Variants in SLC22A23 observed in about 807,000 individuals in gnomAD.
The protein encoded by SLC22A23 is ion transporter protein.
Under a neutral mutation model 61.0 loss-of-function variants are expected in SLC22A23, and 26 were observed. That is an observed-to-expected ratio of 0.43 (90% CI 0.31 to 0.59). The LOEUF is 0.59. SLC22A23 is among the 20% of genes least tolerant of loss of function. SLC22A23 has a pLI of 0.11. For synonymous variants in SLC22A23, 430 were observed against 413.9 expected (o/e 1.04, Z -0.47); for missense variants, 796 against 934.7 (o/e 0.85, Z 1.94).
At chr6:3,416,499 T>C (rs938829163) in intron 1 of SLC22A23, among the ~76,000 whole-genome samples, 6 of 152,258 alleles carry the variant, frequency 3.9e-5, no homozygotes, top group Non-Finnish European at 7.3e-5. Context: ...AATTAGTAAA[T>C]ACAACATTCA....
intron 3 of SLC22A23, among the ~76,000 whole-genome samples, chr6:3,377,552 A>G (rs2127470370): frequency 6.6e-6 from 1 of 152,364 alleles, no homozygotes; most frequent in East Asian, 1.9e-4. Flanking sequence ...GCATGAAGGC[A>G]GAAAGCACCA....
At position 3,414,776 on chromosome 6, in the gene SLC22A23, A is replaced by G. The variant is rs1301011947; in HGVS notation, c.758+976T>C. The stretch of plus-strand genomic sequence containing the variant: ...AAAGATAAAAGAATGTAAGCTGGGG[A>G]GACAGTTACACTACGCCTCTCTCCT... On this transcript the variant is annotated intron_variant, in intron 2 of 9. Coordinates refer to ENST00000406686, the MANE Select transcript of SLC22A23 (RefSeq NM_015482.2). The surrounding 1 kb of genome is among the most constrained non-coding windows in gnomAD (Gnocchi z 5.1). Among the ~76,000 whole-genome samples the G allele has an allele frequency of 6.7e-6, 1 of 149,704 alleles. No homozygotes were observed. The highest frequency in any genetic ancestry group is 1.5e-5 in the Non-Finnish European group (1 of 67,488).
At chr6:3,288,580 G>A (rs1760272838) in intron 6 of SLC22A23, among the ~76,000 whole-genome samples, 1 of 152,232 alleles carries the variant, frequency 6.6e-6, no homozygotes, top group Non-Finnish European at 1.5e-5. Flanking sequence ...ACCACAACAG[G>A]TCATCTGAAG....
In SLC22A23 at chr6:3,446,282, T is replaced by C. The variant is rs1406462683; in HGVS notation, c.654+9624A>G. The stretch of plus-strand genomic sequence containing the variant: ...AGAACTGAATTCAAACCCTAATAGG[T>C]TGGTGGCTTTGGACAAGCCAATGGC... On this transcript the variant is annotated intron_variant, in intron 1 of 9. Transcript: ENST00000406686. Among the ~76,000 whole-genome samples the C allele has an allele frequency of 2.0e-5, 3 of 152,266 alleles. No individual in the cohort carries two copies. The East Asian group carries it at 5.8e-4, about 29-fold the overall frequency.
intron 3 of SLC22A23, among the ~76,000 whole-genome samples, chr6:3,370,694 C>T (rs762591167): frequency 2.0e-5 from 3 of 152,240 alleles, no homozygotes; most frequent in Admixed American, 6.5e-5. Context: ...CCTACACCTG[C>T]TTCCCTTGCA....
rs867253164 is a variant in SLC22A23, at chr6:3,361,065, C to G, written c.914-37063G>C. ...TATTTTCTATTTCTACCCACCCCCC[C>G]CATTTTATGCCTGACCCCAAGTTAA... On this transcript the variant is annotated intron_variant, in intron 3 of 9. Transcript: ENST00000406686. Among the ~76,000 whole-genome samples the G allele has an allele frequency of 1.8e-4, 26 of 143,580 alleles. No individual in the cohort carries two copies. In the South Asian group the frequency reaches 5.2e-3, roughly 29 times the overall value. 94.2% of individuals were successfully genotyped at this position (143,580 alleles called of 152,430 possible).
At position 3,330,895 on chromosome 6, in the gene SLC22A23, G is replaced by A. The variant is rs1357682635; in HGVS notation, c.914-6893C>T. Among the ~76,000 whole-genome samples the A allele has an allele frequency of 1.3e-5, 2 of 152,186 alleles. No individual in the cohort carries two copies. Among genetic ancestry groups the A allele is most frequent in the African/African-American group, 4.8e-5 (2 of 41,444 alleles). ...ACAAATCACATTCCAGTGTCTGCCA[G>A]ACATGTAGACATAGGCATTAAATGC... On this transcript the variant is annotated intron_variant, in intron 3 of 9. Transcript: ENST00000406686. This position sits in a 1 kb window ranked among gnomAD's most constrained non-coding sequence, Gnocchi z 4.7.
intron 3 of SLC22A23, among the ~76,000 whole-genome samples, chr6:3,344,101 C>T (rs1208408894): frequency 6.6e-6 from 1 of 152,146 alleles, no homozygotes; most frequent in East Asian, 1.9e-4. Context: ...ACAGTGGTCA[C>T]ATATGGCTAT....
At chr6:3,355,345 T>G (rs1765005546) in intron 3 of SLC22A23, among the ~76,000 whole-genome samples, 1 of 152,072 alleles carries the variant, frequency 6.6e-6, no homozygotes, top group Non-Finnish European at 1.5e-5. Flanking sequence ...GTGAGAAGCC[T>G]TTGAACTTAA....
At chr6:3,433,825 G>C (rs1420513968) in intron 1 of SLC22A23, among the ~76,000 whole-genome samples, 1 of 152,202 alleles carries the variant, frequency 6.6e-6, no homozygotes, top group Non-Finnish European at 1.5e-5. Flanking sequence ...TTCCAGAATA[G>C]GCAAAACCAT....
At chr6:3,416,458 C>T (rs1769709479) in intron 1 of SLC22A23, among the ~76,000 whole-genome samples, 1 of 152,254 alleles carries the variant, frequency 6.6e-6, no homozygotes, top group African/African-American at 2.4e-5. Context: ...CCCTCTAAAG[C>T]CATCTGCTCT....
intron 1 of SLC22A23, among the ~76,000 whole-genome samples, chr6:3,431,777 C>A (rs769340623): frequency 1.3e-5 from 2 of 152,226 alleles, no homozygotes; most frequent in African/African-American, 4.8e-5. Context: ...GGCAAACAAA[C>A]GTGTCCACAG....
rs1258085233 is a variant in SLC22A23, at chr6:3,386,139, T to C, written c.913+24049A>G. Among the ~76,000 whole-genome samples, 1 of 152,042 alleles carries C rather than the reference T, an allele frequency of 6.6e-6. No individual in the cohort carries two copies. Among genetic ancestry groups the C allele is most frequent in the Non-Finnish European group, 1.5e-5 (1 of 68,008 alleles). ...AAGAACTCACACCTTTCCACACCCC[T>C]CCCGGGTGTCTCATTACCTGACGAG... On this transcript the variant is annotated intron_variant, in intron 3 of 9. Coordinates refer to ENST00000406686, the MANE Select transcript of SLC22A23 (RefSeq NM_015482.2). This position sits in a 1 kb window ranked among gnomAD's most constrained non-coding sequence, Gnocchi z 4.4.
chr6:3,285,117 C>T lies in SLC22A23; in HGVS notation c.1547-6G>A, dbSNP rs1194778092. On this transcript the variant is annotated splice_region_variant and splice_polypyrimidine_tract_variant and intron_variant, in intron 7 of 9. Transcript: ENST00000406686. Reference sequence around the variant, plus strand: ...CTGGCTGTACTTTCCAATCACTGGACCCGCAGACATGATCGCACCCACACG... The same window carrying T: ...CTGGCTGTACTTTCCAATCACTGGATCCGCAGACATGATCGCACCCACACG... 1 of 1,613,484 alleles carries T rather than the reference C, an allele frequency of 6.2e-7. No homozygotes were observed. The highest frequency in any genetic ancestry group is 1.7e-5 in the Admixed American group (1 of 59,978).
chr6:3,282,941 C>T (rs1261978933), intron 9 of SLC22A23, among the ~76,000 whole-genome samples: 1 of 152,128 alleles, frequency 6.6e-6, no homozygotes, highest in Admixed American at 6.5e-5. Flanking sequence ...AGTGGCTGAG[C>T]ACAGGTTAGT....
chr6:3,453,324 C>A (rs139196642), intron 1 of SLC22A23, among the ~76,000 whole-genome samples: 1 of 152,264 alleles, frequency 6.6e-6, no homozygotes, highest in Non-Finnish European at 1.5e-5. Context: ...CCAAAGTGTG[C>A]CTTCCTGCAA....
chr6:3,427,957 C>T lies in SLC22A23; in HGVS notation c.655-12102G>A, dbSNP rs1045281374. Reference sequence around the variant, plus strand: ...CGAGGTGGGGTGAGCCAGGAAGGCTCCCGACCTTCCACTTCAGTGCCTCCG... The same window carrying T: ...CGAGGTGGGGTGAGCCAGGAAGGCTTCCGACCTTCCACTTCAGTGCCTCCG... On this transcript the variant is annotated intron_variant, in intron 1 of 9. Transcript: ENST00000406686. This position sits in a 1 kb window ranked among gnomAD's most constrained non-coding sequence, Gnocchi z 4.3. Among the ~76,000 whole-genome samples the T allele has an allele frequency of 1.3e-5, 2 of 152,306 alleles. No individual in the cohort carries two copies. The highest frequency in any genetic ancestry group is 3.9e-4 in the East Asian group (2 of 5,166).
chr6:3,334,918 T>C (rs1400965846), intron 3 of SLC22A23, among the ~76,000 whole-genome samples: 1 of 152,222 alleles, frequency 6.6e-6, no homozygotes, highest in East Asian at 1.9e-4. Flanking sequence ...AAGCAAATTG[T>C]GATTTCCACA....
chr6:3,438,504 G>A (rs12197689), intron 1 of SLC22A23: 316,948 of 456,334 alleles, frequency 0.69, 113,343 homozygotes, highest in South Asian at 0.82. Context: ...GGCCTCCAGC[G>A]CTTGGTGTCT....
Sources: gnomAD v4.1 joint callset for allele counts (sites outside exome capture counted in the v4.1 genomes callset) on GRCh38, gnomAD v4.1.1 for gene constraint, Gnocchi (gnomAD v3.1) non-coding constraint, MANE v1.5 for transcripts, NCBI Gene and HGNC (gene_info 2026-07-23, HGNC 2026-07-21) for gene names.